CDH13: variants seen among roughly 807,000 people sequenced by gnomAD.
CDH13 encodes cadherin 13, also known as cadherin-13.
A neutral mutation model predicts 63.8 loss-of-function variants in CDH13; 24 were observed. The observed-to-expected ratio is 0.38, with a 90% CI of 0.27 to 0.53. CDH13 has a LOEUF of 0.53. Ranked by LOEUF, CDH13 falls within the 20% of genes least tolerant of loss-of-function variation. CDH13 has a pLI of 0.85. For missense variants in CDH13, 1,049 were observed against 903.1 expected (o/e 1.16, Z -2.07); for synonymous variants, 503 against 355.3 (o/e 1.42, Z -4.67).
chr16:83,321,944 T>C (rs1410656184), intron 5 of CDH13, among the ~76,000 whole-genome samples: 1 of 152,154 alleles, frequency 6.6e-6, no homozygotes, highest in Non-Finnish European at 1.5e-5. Flanking sequence ...CATGGAGCAC[T>C]GGTAGGTGGG....
At chr16:83,433,136 TACTAG>T (rs2072177443) in intron 6 of CDH13, among the ~76,000 whole-genome samples, 1 of 152,182 alleles carries the variant, frequency 6.6e-6, no homozygotes, top group Admixed American at 6.5e-5. Context: ...ATGTGCCAGA[TACTAG>T]ACTAGACAGA....
At chr16:82,838,238 T>C (rs924552304) in intron 1 of CDH13, among the ~76,000 whole-genome samples, 2 of 152,230 alleles carry the variant, frequency 1.3e-5, no homozygotes, top group Non-Finnish European at 2.9e-5. Flanking sequence ...TCTAAAGTTA[T>C]CCTTTGTCCT....
chr16:83,582,440 A>G (rs72793482), intron 7 of CDH13, among the ~76,000 whole-genome samples: 1 of 152,098 alleles, frequency 6.6e-6, no homozygotes, highest in Non-Finnish European at 1.5e-5. Flanking sequence ...GCCTTTCAAA[A>G]TTTAAGGTAC....
intron 5 of CDH13, among the ~76,000 whole-genome samples, chr16:83,342,601 C>T (rs2090749866): frequency 6.6e-6 from 1 of 152,190 alleles, no homozygotes; most frequent in Non-Finnish European, 1.5e-5. Flanking sequence ...TTCAGCTCCA[C>T]ATTCTGTATT....
intron 11 of CDH13, among the ~76,000 whole-genome samples, chr16:83,775,578 C>T (rs566841335): frequency 1.3e-5 from 2 of 152,268 alleles, no homozygotes; most frequent in African/African-American, 4.8e-5. Context: ...CCCATTCTAG[C>T]TCCATTTCTG....
chr16:83,418,601 A>G (rs977662804), intron 6 of CDH13, among the ~76,000 whole-genome samples: 3 of 152,190 alleles, frequency 2.0e-5, no homozygotes, highest in Non-Finnish European at 4.4e-5. Context: ...ATCTGTACAA[A>G]CCAGGATTCT....
intron 4 of CDH13, among the ~76,000 whole-genome samples, chr16:83,191,458 A>AATATATATATATATATATGC (rs1555510449): frequency 2.5e-5 from 2 of 80,578 alleles, no homozygotes; most frequent in African/African-American, 9.1e-5. Context: ...ACTAATAGGA[A>AATATATATATATATATATGC]ATATATATAT....
At chr16:82,777,793 T>A (rs953070320) in intron 1 of CDH13, among the ~76,000 whole-genome samples, 2 of 152,176 alleles carry the variant, frequency 1.3e-5, no homozygotes, top group East Asian at 3.9e-4. Flanking sequence ...GGCAGGATTC[T>A]GCTTTTTCAG....
At chr16:83,463,233 C>T (rs1205092142) in intron 6 of CDH13, among the ~76,000 whole-genome samples, 1 of 152,184 alleles carries the variant, frequency 6.6e-6, no homozygotes, top group Non-Finnish European at 1.5e-5. Context: ...ATAGCACAGC[C>T]AGCTGGTGAA....
At chr16:83,472,357 C>T (rs1465694708) in intron 6 of CDH13, among the ~76,000 whole-genome samples, 2 of 152,184 alleles carry the variant, frequency 1.3e-5, no homozygotes, top group Admixed American at 1.3e-4. Context: ...TGAAAACCAA[C>T]CCAGACTTTC....
At chr16:82,666,445 C>A (rs1232898143) in intron 1 of CDH13, among the ~76,000 whole-genome samples, 1 of 152,214 alleles carries the variant, frequency 6.6e-6, no homozygotes, top group African/African-American at 2.4e-5. Context: ...CTTGTTCCTT[C>A]CACATGGAGA....
Position 83,487,708 on chromosome 16 carries a change from G to C in CDH13, c.960+1053G>C, listed in dbSNP as rs1377885855. 2.0e-5 allele frequency among the ~76,000 whole-genome samples: 3 copies of C among 147,982 alleles called. No individual in the cohort carries two copies. The East Asian group carries it at 5.8e-4, about 29-fold the overall frequency. On this transcript the variant is annotated intron_variant, in intron 7 of 13. Coordinates refer to ENST00000567109, the MANE Select transcript of CDH13 (RefSeq NM_001257.5). ...CATCCCACAGGCGTGGGGCCTTGGA[G>C]TTGTCCTTGACCTTCTGTAAGAACC...
chr16:83,006,755 C>T (rs74740750), intron 2 of CDH13, among the ~76,000 whole-genome samples: 2,191 of 152,248 alleles, frequency 0.014, 25 homozygotes, highest in Non-Finnish European at 0.023. Flanking sequence ...ACTTTATTTT[C>T]AGAAACAGGT....
chr16:82,730,481 C>T (rs6565062), intron 1 of CDH13, among the ~76,000 whole-genome samples: 1 of 151,918 alleles, frequency 6.6e-6, no homozygotes, highest in Non-Finnish European at 1.5e-5. Flanking sequence ...TTACCTATTA[C>T]GTTAGCCTTC....
intron 4 of CDH13, among the ~76,000 whole-genome samples, chr16:83,199,698 G>A (rs192461295): frequency 4.0e-4 from 61 of 152,244 alleles, no homozygotes; most frequent in African/African-American, 1.4e-3. Context: ...CATGAGTGTC[G>A]TTAACATTTA....
intron 2 of CDH13, among the ~76,000 whole-genome samples, chr16:83,004,983 G>A (rs1913332523): frequency 6.6e-6 from 1 of 152,202 alleles, no homozygotes; most frequent in Non-Finnish European, 1.5e-5. Flanking sequence ...AACAGGAGAA[G>A]AGCATCTTCC....
chr16:83,648,288 A>G (rs889881936), intron 8 of CDH13, among the ~76,000 whole-genome samples: 1 of 152,228 alleles, frequency 6.6e-6, no homozygotes, highest in Non-Finnish European at 1.5e-5. Flanking sequence ...GTCTCGAGGC[A>G]GAACAACTCC....
intron 6 of CDH13, among the ~76,000 whole-genome samples, chr16:83,443,804 A>G (rs2072573462): frequency 7.1e-6 from 1 of 141,458 alleles, no homozygotes; most frequent in South Asian, 2.2e-4. Flanking sequence ...GCTTGGTGGC[A>G]TGTGCCTGTA....
intron 7 of CDH13, among the ~76,000 whole-genome samples, chr16:83,524,978 G>T (rs974931590): frequency 6.6e-6 from 1 of 152,184 alleles, no homozygotes; most frequent in Non-Finnish European, 1.5e-5. Flanking sequence ...ATAGATTCTT[G>T]CTGTGTCAAC....
Sources: gnomAD v4.1 joint callset for allele counts (sites outside exome capture counted in the v4.1 genomes callset) on GRCh38, gnomAD v4.1.1 for gene constraint, MANE v1.5 for transcripts, NCBI Gene and HGNC (gene_info 2026-07-23, HGNC 2026-07-21) for gene names.